The following LRRC2 variants were observed in gnomAD, a reference collection of about 807,000 sequenced individuals.
LRRC2 encodes the protein leucine-rich repeat-containing protein 2.
LRRC2 carries 27 observed loss-of-function variants against 40.2 expected under a neutral mutation model. The ratio of observed to expected loss-of-function variants is 0.67; its 90% CI spans 0.49 to 0.93. The LOEUF (loss-of-function observed/expected upper bound fraction) is 0.93, where lower values mean the gene tolerates loss of function less well. Ranked by LOEUF, LRRC2 falls within the 40% of genes least tolerant of loss-of-function variation. LRRC2 has a pLI of 0.00. For missense variants in LRRC2, 402 were observed against 439.6 expected, an observed-to-expected ratio of 0.91 and a Z score of 0.76; for synonymous variants, 147 against 158.9, an observed-to-expected ratio of 0.92 and a Z score of 0.56.
rs778062834 is a variant in LRRC2 at position 46,551,554 on chromosome 3, A to G, written c.38T>C (p.Ile13Thr). ...GACACGAGTTTCCCACAAGGCTCTG[A>G]TGACAGAAATGTCGAAGACAACCAC... The part of the protein sequence containing the change: ...HKVVVFDISV[I>T]RALWETRVKK... The change falls in exon 2 of 9, where the codon ATC becomes ACC. Residue 13 changes from isoleucine to threonine, a missense_variant. Coordinates refer to ENST00000395905, the MANE Select transcript of LRRC2 (RefSeq NM_024512.5). 1 of 1,613,918 alleles carries G rather than the reference A, an allele frequency of 6.2e-7. No individual in the cohort carries two copies. The highest frequency in any genetic ancestry group is 1.3e-5 in the African/African-American group (1 of 75,046).
chr3:46,528,438 G>C (rs1704097589), intron 6 of LRRC2, among the ~76,000 whole-genome samples: 1 of 151,922 alleles, frequency 6.6e-6, no homozygotes, highest in Non-Finnish European at 1.5e-5. Context: ...GCCTCCTCTT[G>C]TATATCTTTA....
intron 1 of LRRC2, among the ~76,000 whole-genome samples, chr3:46,557,196 G>C (rs767211603): frequency 6.6e-6 from 1 of 152,170 alleles, no homozygotes; most frequent in African/African-American, 2.4e-5. Flanking sequence ...CACAAAAGAA[G>C]TGTAAATGGC....
At chr3:46,528,962 A>T (rs1384442803) in intron 6 of LRRC2, among the ~76,000 whole-genome samples, 1 of 151,974 alleles carries the variant, frequency 6.6e-6, no homozygotes, top group African/African-American at 2.4e-5. Flanking sequence ...TAATTATTTT[A>T]AAAAAGTAGC....
In LRRC2 at chr3:46,551,453, G is replaced by C; in HGVS notation, c.125+14C>G. 2 of 1,611,628 alleles carry C rather than the reference G, an allele frequency of 1.2e-6. No homozygotes were observed. Among genetic ancestry groups the C allele is most frequent in the Non-Finnish European group, 1.7e-6 (2 of 1,179,224 alleles). On this transcript the variant is annotated intron_variant, in intron 2 of 8. Coordinates refer to ENST00000395905, the MANE Select transcript of LRRC2 (RefSeq NM_024512.5). The stretch of plus-strand genomic sequence containing the variant: ...ACCAAACAAGCTACAAGACTAGGTT[G>C]AGAAAACACGTACTTCTCCAAGGCG...
chr3:46,525,991 T>C (rs561751418), intron 7 of LRRC2, among the ~76,000 whole-genome samples: 74 of 152,106 alleles, frequency 4.9e-4, no homozygotes, highest in African/African-American at 1.7e-3. Flanking sequence ...TCTAGCTCTG[T>C]CGCCAGGCTG....
intron 2 of LRRC2, among the ~76,000 whole-genome samples, chr3:46,550,944 G>T (rs9311391): frequency 0.31 from 46,529 of 152,026 alleles, 7,509 homozygotes; most frequent in Non-Finnish European, 0.36. Flanking sequence ...ACTCAACTTG[G>T]TGTTCATATA....
At chr3:46,556,598 A>ATTTTTTTTTTTT (rs1704803104) in intron 1 of LRRC2, among the ~76,000 whole-genome samples, 1 of 60,132 alleles carries the variant, frequency 1.7e-5, no homozygotes, top group African/African-American at 7.2e-5. Context: ...TTTTTTTTTG[A>ATTTTTTTTTTTT]GACAGAGTCT....
intron 4 of LRRC2, among the ~76,000 whole-genome samples, chr3:46,536,353 G>A (rs963584822): frequency 1.4e-4 from 22 of 152,110 alleles, no homozygotes; most frequent in African/African-American, 5.3e-4. Context: ...TTGAATAATC[G>A]CTTGGAATAA....
At chr3:46,565,351 C>T (rs1007366581) in intron 1 of LRRC2, among the ~76,000 whole-genome samples, 20 of 152,028 alleles carry the variant, frequency 1.3e-4, no homozygotes, top group African/African-American at 4.8e-4. Flanking sequence ...CACAGGTTGG[C>T]GAGAACATCA....
At chr3:46,545,390 C>A in intron 2 of LRRC2, 137 bp from the exon 3 acceptor site, 1 of 705,594 alleles carries the variant, frequency 1.4e-6, no homozygotes, top group Non-Finnish European at 2.4e-6. Flanking sequence ...TTCCTCTTTC[C>A]TCCCTGCTGT....
At chr3:46,534,269 T>G (rs186223281) in intron 4 of LRRC2, among the ~76,000 whole-genome samples, 2 of 152,348 alleles carry the variant, frequency 1.3e-5, no homozygotes, top group East Asian at 3.9e-4. Flanking sequence ...CTCCTTTTTA[T>G]GGCTGCATAG....
chr3:46,557,989 A>C (rs1390858007), intron 1 of LRRC2: 1 of 152,248 alleles, frequency 6.6e-6, no homozygotes, highest in African/African-American at 2.4e-5. Context: ...AAATACAAGC[A>C]CAGGCAGGAG....
At chr3:46,551,261 A>C (rs1704640960) in intron 2 of LRRC2, 2 of 439,150 alleles carry the variant, frequency 4.6e-6, no homozygotes, top group Non-Finnish European at 7.8e-6. Flanking sequence ...GGTGGTGGGT[A>C]GGTCCTTATA....
At chr3:46,535,116 A>T (rs1309932026) in intron 4 of LRRC2, among the ~76,000 whole-genome samples, 2 of 152,246 alleles carry the variant, frequency 1.3e-5, no homozygotes, top group African/African-American at 4.8e-5. Flanking sequence ...TGCTCAAAAT[A>T]CTCCATGTTA....
intron 3 of LRRC2, among the ~76,000 whole-genome samples, chr3:46,542,947 G>A (rs1436987621): frequency 6.6e-6 from 1 of 152,134 alleles, no homozygotes; most frequent in African/African-American, 2.4e-5. Context: ...CTGACCTCTT[G>A]CAGGGGCCAG....
intron 5 of LRRC2, 82 bp from the exon 6 acceptor site, chr3:46,530,132 T>C: frequency 3.4e-6 from 4 of 1,168,056 alleles, no homozygotes; most frequent in Non-Finnish European, 5.0e-6. Context: ...GATGGATATT[T>C]CTTCCCCAAA....
At chr3:46,559,443 A>G (rs927005603) in intron 1 of LRRC2, 2 of 152,228 alleles carry the variant, frequency 1.3e-5, no homozygotes, top group African/African-American at 4.8e-5. Flanking sequence ...CTCCCTACAC[A>G]CAGGGCTCGT....
Position 46,517,930 on chromosome 3 carries a change from C to G in LRRC2, c.*1084G>C, listed in dbSNP as rs983073683. On this transcript the variant is annotated 3_prime_UTR_variant, in exon 9 of 9. Transcript: ENST00000395905. ...CAGTGTGGACTGGTCATCTCCATTA[C>G]CCTACATGGCCATCTTGGAGGAAGG... 1 of 152,324 alleles carries G rather than the reference C, an allele frequency of 6.6e-6. No homozygotes were observed. Among genetic ancestry groups the G allele is most frequent in the African/African-American group, 2.4e-5 (1 of 41,442 alleles). 9.4% of individuals were successfully genotyped at this position (152,324 alleles called of 1,614,324 possible). A position where few individuals can be genotyped will look rare whatever the true frequency, so the allele number is the denominator to read the frequency against.
At chr3:46,521,692 C>T (rs1473559588) in intron 7 of LRRC2, 34 bp from the exon 8 acceptor site, 3 of 1,578,820 alleles carry the variant, frequency 1.9e-6, no homozygotes, top group Non-Finnish European at 1.7e-6. Context: ...ATCACATTAT[C>T]ACCTGTGCGT....
Sources: gnomAD v4.1 joint callset for allele counts (sites outside exome capture counted in the v4.1 genomes callset) on GRCh38, gnomAD v4.1.1 for gene constraint, MANE v1.5 for transcripts, NCBI Gene and HGNC (gene_info 2026-07-23, HGNC 2026-07-21) for gene names.